NCKAP5: variants seen among roughly 807,000 people sequenced by gnomAD.
NCKAP5 encodes nck-associated protein 5.
Under a neutral mutation model 167.0 loss-of-function variants are expected in NCKAP5, and 92 were observed. That is an observed-to-expected ratio of 0.55 (90% confidence interval 0.47 to 0.66). The LOEUF (loss-of-function observed/expected upper bound fraction) is 0.66, where lower values mean the gene tolerates loss of function less well. Ranked by LOEUF, NCKAP5 falls within the 30% of genes least tolerant of loss-of-function variation. The pLI is 0.00. For synonymous variants in NCKAP5, 891 were observed against 877.4 expected (o/e 1.02, Z -0.27); for missense variants, 2,378 against 2,315.0 (o/e 1.03, Z -0.56).
In NCKAP5 at chr2:132,978,685, G is replaced by C. The variant is rs558585746; in HGVS notation, c.430-14816C>G. 5.9e-5 allele frequency among the ~76,000 whole-genome samples: 9 copies of C among 152,264 alleles called. No individual in the cohort carries two copies. In the South Asian group the frequency reaches 1.9e-3, roughly 32 times the overall value. On this transcript the variant is annotated intron_variant, in intron 7 of 19. Transcript: ENST00000409261. ...ACCAGACAGAAGCTGGCCACATGGT[G>C]CACATCAACATGACAATAGTCGGGA...
intron 12 of NCKAP5, among the ~76,000 whole-genome samples, chr2:132,796,324 G>A (rs542481701): frequency 1.3e-5 from 2 of 152,250 alleles, no homozygotes; most frequent in African/African-American, 2.4e-5. Context: ...AATATGGGAC[G>A]TGGGTTTTAA....
intron 16 of NCKAP5, among the ~76,000 whole-genome samples, chr2:132,757,812 C>T (rs759348013): frequency 9.2e-5 from 14 of 152,172 alleles, no homozygotes; most frequent in Non-Finnish European, 2.1e-4. Context: ...AATGGCAAAA[C>T]GGGCTGAAAC....
chr2:132,870,182 C>T (rs1690694929), intron 9 of NCKAP5, among the ~76,000 whole-genome samples: 1 of 152,084 alleles, frequency 6.6e-6, no homozygotes, highest in South Asian at 2.1e-4. Context: ...TCCAGGTAAC[C>T]ATTCGTTATT....
chr2:133,140,944 A>G (rs2082973543), intron 5 of NCKAP5, among the ~76,000 whole-genome samples: 2 of 152,072 alleles, frequency 1.3e-5, no homozygotes, highest in African/African-American at 2.4e-5. Flanking sequence ...AAACACAGTC[A>G]CAAAACCCCA....
intron 3 of NCKAP5, among the ~76,000 whole-genome samples, chr2:133,409,437 C>T (rs1176966566): frequency 6.6e-6 from 1 of 152,182 alleles, no homozygotes; most frequent in Non-Finnish European, 1.5e-5. Context: ...GGACAACAGA[C>T]TTATAGGAAT....
intron 3 of NCKAP5, among the ~76,000 whole-genome samples, chr2:133,448,423 A>G (rs1053545025): frequency 6.6e-6 from 1 of 152,052 alleles, no homozygotes; most frequent in Admixed American, 6.6e-5. Flanking sequence ...GTATAGTCAC[A>G]TTAAGTAATA....
At chr2:133,468,234 G>T (rs942293144) in intron 3 of NCKAP5, among the ~76,000 whole-genome samples, 1 of 140,104 alleles carries the variant, frequency 7.1e-6, no homozygotes, top group African/African-American at 2.8e-5. Flanking sequence ...TGGTTTCAAA[G>T]AACATTTTTA....
chr2:133,290,728 C>CTTTTTTTTTTTTTTTTTTTTTTTTTTTTT (rs58758295), intron 4 of NCKAP5, among the ~76,000 whole-genome samples: 12 of 89,360 alleles, frequency 1.3e-4, no homozygotes, highest in South Asian at 4.4e-4. Flanking sequence ...AGAATTTCTC[C>CTTTTTTTTTTTTTTTTTTTTTTTTTTTTT]TTTTTTTTTT....
intron 6 of NCKAP5, among the ~76,000 whole-genome samples, chr2:133,071,516 T>C (rs1221206798): frequency 6.6e-6 from 1 of 152,202 alleles, no homozygotes; most frequent in African/African-American, 2.4e-5. Context: ...GGAATCTCTA[T>C]AGCAGAAACT....
chr2:133,469,443 A>T (rs1192414500), intron 3 of NCKAP5, among the ~76,000 whole-genome samples: 4 of 151,544 alleles, frequency 2.6e-5, no homozygotes, highest in Non-Finnish European at 5.9e-5. Context: ...TGCCCTTAAC[A>T]TTTTTTCCTT....
intron 6 of NCKAP5, among the ~76,000 whole-genome samples, chr2:133,055,867 C>A (rs558449753): frequency 6.6e-6 from 1 of 152,166 alleles, no homozygotes; most frequent in Non-Finnish European, 1.5e-5. Flanking sequence ...TCTGGCCAGG[C>A]TGCTCCTGAG....
chr2:132,782,722 C>G lies in NCKAP5; in HGVS notation c.4089G>C (p.Gly1363=). Reference sequence around the variant, plus strand: ...TCCTCAAAGGCAACTTACTTGGGCTCCCATGCTGACTGCTGAAGCTGCCTG... The same window carrying G: ...TCCTCAAAGGCAACTTACTTGGGCTGCCATGCTGACTGCTGAAGCTGCCTG... ...GSSGSFSSQH[G]SPSKLPLRIP... is the part of the protein sequence containing the mutation. The change falls in exon 14 of 20, where the codon GGG becomes GGC. Residue 1363 remains glycine (G), a synonymous_variant. Coordinates refer to ENST00000409261, the MANE Select transcript of NCKAP5 (RefSeq NM_207363.3). The G allele has an allele frequency of 6.2e-7, 1 of 1,614,004 alleles. No homozygotes were observed. Among genetic ancestry groups the G allele is most frequent in the African/African-American group, 1.3e-5 (1 of 75,064 alleles).
At chr2:132,723,699 T>C (rs938311797) in intron 19 of NCKAP5, among the ~76,000 whole-genome samples, 4 of 152,190 alleles carry the variant, frequency 2.6e-5, no homozygotes, top group Admixed American at 2.0e-4. Context: ...TGTACAGACA[T>C]AGAGCATTTC....
At chr2:132,837,275 A>G (rs961031356) in intron 11 of NCKAP5, among the ~76,000 whole-genome samples, 2 of 152,130 alleles carry the variant, frequency 1.3e-5, no homozygotes, top group Admixed American at 1.3e-4. Flanking sequence ...TTCAACCTGA[A>G]TGCTTCCTTG....
chr2:132,820,235 G>T lies in NCKAP5; in HGVS notation c.808-23506C>A, dbSNP rs574276439. 2.1e-4 allele frequency among the ~76,000 whole-genome samples: 31 copies of T among 148,218 alleles called. No individual in the cohort carries two copies. In the South Asian group the frequency reaches 3.7e-3, roughly 18 times the overall value. ...AAGTTTTTTGTTTTGTTTTGTTTTTGTTTTTTTTTTAAGAGACAGAGTCTC... is the reference window on the plus strand; with the variant it reads ...AAGTTTTTTGTTTTGTTTTGTTTTTTTTTTTTTTTTAAGAGACAGAGTCTC... On this transcript the variant is annotated intron_variant, in intron 11 of 19. Coordinates refer to ENST00000409261, the MANE Select transcript of NCKAP5 (RefSeq NM_207363.3).
chr2:133,672,033 T>C, the NCKAP5 span, among the ~76,000 whole-genome samples: 1 of 152,180 alleles, frequency 6.6e-6, no homozygotes, highest in African/African-American at 2.4e-5. Context: ...ACGATAGGTA[T>C]TGATTGCAAT....
chr2:132,978,353 C>T (rs1412740347), intron 7 of NCKAP5, among the ~76,000 whole-genome samples: 1 of 152,132 alleles, frequency 6.6e-6, no homozygotes, highest in Non-Finnish European at 1.5e-5. Context: ...TCTTCTGTTG[C>T]CACAATCATA....
At chr2:133,595,952 T>C in the NCKAP5 span, 1 of 152,226 alleles carries the variant, frequency 6.6e-6, no homozygotes, top group Admixed American at 6.5e-5. Flanking sequence ...CAAATCATAA[T>C]GTGATTATTA....
rs565259413 is a variant in NCKAP5, at chr2:132,705,885, T to A, written c.5713+19742A>T. Among the ~76,000 whole-genome samples the A allele has an allele frequency of 1.4e-4, 21 of 152,298 alleles. No individual in the cohort carries two copies. In the East Asian group the frequency reaches 3.9e-3, roughly 28 times the overall value. ...CAGAATGGCAGAATTGGGATTAGAA[T>A]CTAGGCCTTTTTTCCAGAGGATTTC... On this transcript the variant is annotated intron_variant, in intron 19 of 19. Transcript: ENST00000409261.
Sources: gnomAD v4.1 joint callset for allele counts (sites outside exome capture counted in the v4.1 genomes callset) on GRCh38, gnomAD v4.1.1 for gene constraint, MANE v1.5 for transcripts, NCBI Gene and HGNC (gene_info 2026-07-23, HGNC 2026-07-21) for gene names.